Variants in CFAP299 observed in about 807,000 individuals in gnomAD.
CFAP299 encodes the protein cilia and flagella associated protein 299, also known as cilia- and flagella-associated protein 299.
CFAP299 carries 21 observed loss-of-function variants against 27.0 expected under a neutral mutation model. The ratio of observed to expected loss-of-function variants is 0.78; its 90% CI spans 0.55 to 1.12. CFAP299 has a LOEUF of 1.12. Among genes scored for constraint, CFAP299 ranks in the 50% most tolerant of loss-of-function variants. The pLI, the probability that CFAP299 is intolerant of heterozygous loss-of-function variation, is 0.00. For synonymous variants in CFAP299, 104 were observed against 98.1 expected, an observed-to-expected ratio of 1.06 and a Z score of -0.36; for missense variants, 310 against 276.6, an observed-to-expected ratio of 1.12 and a Z score of -0.86.
At chr4:80,514,058 C>G (rs1322300690) in intron 2 of CFAP299, among the ~76,000 whole-genome samples, 3 of 152,048 alleles carry the variant, frequency 2.0e-5, no homozygotes, top group Non-Finnish European at 4.4e-5. Flanking sequence ...TATCAGTGAT[C>G]ATTCTGGAGT....
At position 80,684,550 on chromosome 4, in the gene CFAP299, G is replaced by C. The variant is rs183352900; in HGVS notation, c.333+101367G>C. On this transcript the variant is annotated intron_variant, in intron 3 of 5. Coordinates refer to ENST00000358105, the MANE Select transcript of CFAP299 (RefSeq NM_152770.3). ...AAAGTGCTGCTGGGATTACAGGCGT[G>C]AGCCACTGCGCCCGGCCTGAGATGA... is the stretch of plus-strand genomic sequence containing the variant. Among the ~76,000 whole-genome samples the C allele has an allele frequency of 6.6e-5, 10 of 152,306 alleles. No homozygotes were observed. In the East Asian group the frequency reaches 1.9e-3, roughly 29 times the overall value.
chr4:80,569,052 G>C (rs1250039427), intron 2 of CFAP299, among the ~76,000 whole-genome samples: 1 of 152,082 alleles, frequency 6.6e-6, no homozygotes, highest in African/African-American at 2.4e-5. Flanking sequence ...GGCTCTGTTA[G>C]CAACACTCCC....
At chr4:80,700,317 T>A (rs942324599) in intron 3 of CFAP299, among the ~76,000 whole-genome samples, 1 of 152,150 alleles carries the variant, frequency 6.6e-6, no homozygotes, top group Non-Finnish European at 1.5e-5. Flanking sequence ...TTATAACTAC[T>A]TAGAACAATG....
intron 3 of CFAP299, among the ~76,000 whole-genome samples, chr4:80,651,209 T>C (rs1740261145): frequency 6.6e-6 from 1 of 151,994 alleles, no homozygotes; most frequent in African/African-American, 2.4e-5. Context: ...AATGCAGATA[T>C]TTATACTTCA....
intron 3 of CFAP299, among the ~76,000 whole-genome samples, chr4:80,814,768 T>C (rs35093266): frequency 0.15 from 21,851 of 150,332 alleles, 1,935 homozygotes; most frequent in African/African-American, 0.24. Context: ...ATATTGGCAC[T>C]AGAAAAATAA....
chr4:80,919,019 A>T (rs1362146941), intron 4 of CFAP299, among the ~76,000 whole-genome samples: 1 of 152,162 alleles, frequency 6.6e-6, no homozygotes, highest in Non-Finnish European at 1.5e-5. Flanking sequence ...AAAGCCCCCC[A>T]GAACAGCAAG....
At chr4:80,376,812 G>C (rs759284760) in intron 2 of CFAP299, among the ~76,000 whole-genome samples, 1 of 152,012 alleles carries the variant, frequency 6.6e-6, no homozygotes, top group African/African-American at 2.4e-5. Flanking sequence ...CCGCCACCAC[G>C]CCTGGCTAAT....
At chr4:80,843,481 G>A (rs951451247) in intron 3 of CFAP299, among the ~76,000 whole-genome samples, 7 of 152,044 alleles carry the variant, frequency 4.6e-5, no homozygotes, top group African/African-American at 1.5e-4. Context: ...GTCTATCATT[G>A]TTGGACATTT....
At chr4:80,727,787 G>T (rs1454063295) in intron 3 of CFAP299, among the ~76,000 whole-genome samples, 1 of 151,520 alleles carries the variant, frequency 6.6e-6, no homozygotes, top group African/African-American at 2.4e-5. Flanking sequence ...ATTACATTTG[G>T]GACAGAGATT....
chr4:80,631,305 A>G (rs1739193840), intron 3 of CFAP299, among the ~76,000 whole-genome samples: 1 of 152,066 alleles, frequency 6.6e-6, no homozygotes, highest in South Asian at 2.1e-4. Flanking sequence ...TAGTTTATTT[A>G]AATATGTATT....
intron 5 of CFAP299, among the ~76,000 whole-genome samples, chr4:80,947,681 A>G (rs1000480611): frequency 1.3e-5 from 2 of 152,176 alleles, no homozygotes; most frequent in African/African-American, 4.8e-5. Flanking sequence ...AAAAATCTCC[A>G]TAAAAAGTCA....
rs561590400 is a variant in CFAP299, at chr4:80,885,864, G to C, written c.476+15729G>C. On this transcript the variant is annotated intron_variant, in intron 4 of 5. Transcript: ENST00000358105. ...ATTTTGCCATGCACTTTAGGTACCA[G>C]CTCATCCACAGTGAGGTAGAGCAAC... is the stretch of plus-strand genomic sequence containing the variant. Among the ~76,000 whole-genome samples the C allele has an allele frequency of 9.9e-5, 15 of 152,274 alleles. 1 individual carries two copies. The South Asian group carries it at 3.1e-3, about 32-fold the overall frequency.
At chr4:80,383,965 T>A (rs1355772955) in intron 2 of CFAP299, among the ~76,000 whole-genome samples, 2 of 152,172 alleles carry the variant, frequency 1.3e-5, no homozygotes, top group African/African-American at 4.8e-5. Flanking sequence ...GATGAGACAT[T>A]CAATATAACA....
intron 3 of CFAP299, among the ~76,000 whole-genome samples, chr4:80,621,260 A>G (rs893937096): frequency 1.3e-5 from 2 of 152,074 alleles, no homozygotes; most frequent in African/African-American, 2.4e-5. Flanking sequence ...GTAGGCTTGG[A>G]CTGCTGAACA....
chr4:80,886,667 A>T (rs893225877), intron 4 of CFAP299, among the ~76,000 whole-genome samples: 6 of 152,150 alleles, frequency 3.9e-5, no homozygotes, highest in African/African-American at 1.4e-4. Flanking sequence ...ATCAATGCCA[A>T]GGCACTGATG....
chr4:80,359,893 G>T (rs1443689977), intron 1 of CFAP299, among the ~76,000 whole-genome samples: 1 of 152,182 alleles, frequency 6.6e-6, no homozygotes, highest in Non-Finnish European at 1.5e-5. Flanking sequence ...AGGAAAGAAG[G>T]CACTCTGGCT....
intron 2 of CFAP299, among the ~76,000 whole-genome samples, chr4:80,576,195 A>AT: frequency 2.4e-5 from 1 of 40,846 alleles, no homozygotes; most frequent in African/African-American, 4.8e-5. Flanking sequence ...AATAAAAAAA[A>AT]AAATATATAT....
Position 80,400,639 on chromosome 4 carries a change from C to CT in CFAP299, c.242+37761dup, listed in dbSNP as rs559995493. Among the ~76,000 whole-genome samples, 3 of 152,252 alleles carry CT rather than the reference C, an allele frequency of 2.0e-5. No individual in the cohort carries two copies. In the South Asian group the frequency reaches 6.2e-4, roughly 32 times the overall value. On this transcript the variant is annotated intron_variant, in intron 2 of 5. Transcript: ENST00000358105. The stretch of plus-strand genomic sequence containing the variant: ...TGGAATTGTCCGTCCAATTAAACCC[C>CT]TTTTTTCTTCCCAGTCTCAGGTATG...
chr4:80,355,114 G>A (rs948203855), intron 1 of CFAP299, among the ~76,000 whole-genome samples: 1 of 152,034 alleles, frequency 6.6e-6, no homozygotes, highest in Non-Finnish European at 1.5e-5. Flanking sequence ...CTTCTACAAC[G>A]ATTGAACTAA....
Sources: gnomAD v4.1 joint callset for allele counts (sites outside exome capture counted in the v4.1 genomes callset) on GRCh38, gnomAD v4.1.1 for gene constraint, MANE v1.5 for transcripts, NCBI Gene and HGNC (gene_info 2026-07-23, HGNC 2026-07-21) for gene names.